AKAP11: variants seen among roughly 807,000 people sequenced by gnomAD.
AKAP11 encodes A-kinase anchoring protein 11.
A neutral mutation model predicts 146.1 loss-of-function variants in AKAP11; 36 were observed. The ratio of observed to expected loss-of-function variants is 0.25; its 90% confidence interval spans 0.19 to 0.33. The LOEUF (loss-of-function observed/expected upper bound fraction) is 0.33. AKAP11 is among the 10% of genes least tolerant of loss of function. The pLI is 1.00. For missense variants in AKAP11, 2,201 were observed against 2,197.0 expected, an observed-to-expected ratio of 1.00 and a Z score of -0.04; for synonymous variants, 780 against 786.5, an observed-to-expected ratio of 0.99 and a Z score of 0.14.
Position 42,319,426 on chromosome 13 carries a change from C to T in AKAP11, c.*198C>T. 1.5e-6 allele frequency: 1 copy of T among 650,094 alleles called. No homozygotes were observed. The highest frequency in any genetic ancestry group is 2.5e-6 in the Non-Finnish European group (1 of 399,916). 40.3% of individuals were successfully genotyped at this position (650,094 alleles called of 1,614,324 possible). ...CTTTTGTAATCTGTCAAAATACTAC[C>T]TTCATTTATTCTTCTATACACATGT... is the stretch of plus-strand genomic sequence containing the variant. On this transcript the variant is annotated 3_prime_UTR_variant, in exon 13 of 13. Transcript: ENST00000025301.
chr13:42,286,346 G>C lies in AKAP11; in HGVS notation c.-3G>C, dbSNP rs958147002. ...CATTGATTATATACAACAAAAAATA[G>C]TTATGGCGACTTTCAGAAACAATCA... On this transcript the variant is annotated 5_prime_UTR_variant, in exon 3 of 13. Transcript: ENST00000025301. The C allele has an allele frequency of 3.1e-6, 5 of 1,599,430 alleles. No individual in the cohort carries two copies. Among genetic ancestry groups the C allele is most frequent in the African/African-American group, 1.3e-5 (1 of 74,360 alleles).
rs114477625 is a variant in AKAP11, at chr13:42,298,515, T to C, written c.352-18T>C. 1.7e-3 allele frequency: 2,684 copies of C among 1,603,958 alleles called. 43 individuals are homozygous for C. The African/African-American group carries it at 0.031, about 18-fold the overall frequency. On this transcript the variant is annotated intron_variant, in intron 6 of 12. Coordinates refer to ENST00000025301, the MANE Select transcript of AKAP11 (RefSeq NM_016248.4). ...TTTGAAATTAAAATTGTTTTTATTA[T>C]CTTTTATCTTTCCCAAGAGTCATCC...
chr13:42,298,517 T>G lies in AKAP11; in HGVS notation c.352-16T>G. ...TGAAATTAAAATTGTTTTTATTATC[T>G]TTTATCTTTCCCAAGAGTCATCCTT... On this transcript the variant is annotated splice_polypyrimidine_tract_variant and intron_variant, in intron 6 of 12. Transcript: ENST00000025301. 6.2e-7 allele frequency: 1 copy of G among 1,605,256 alleles called. No individual in the cohort carries two copies.
chr13:42,319,019 G>A, intron 12 of AKAP11, 69 bp from the exon 13 acceptor site: 7 of 1,497,526 alleles, frequency 4.7e-6, no homozygotes, highest in Non-Finnish European at 6.3e-6. Context: ...AGCTAATATT[G>A]AAAATAAAAA....
At chr13:42,305,094 G>A (rs7323055) in intron 8 of AKAP11, among the ~76,000 whole-genome samples, 2 of 152,034 alleles carry the variant, frequency 1.3e-5, no homozygotes, top group Non-Finnish European at 2.9e-5. Flanking sequence ...CAGTTTTTCA[G>A]TTTAAACCTT....
In AKAP11 at chr13:42,301,150, A is replaced by G. The variant is rs1262906353; in HGVS notation, c.2404A>G (p.Lys802Glu). ...TATTTCATCTACTGCATGTCAGGCC[A>G]AGGCTCATCTGTCATCTGATGATAG... ...YHISSTACQA[K>E]AHLSSDDSNS... is the part of the protein sequence containing the mutation. Residue 802 changes from lysine (K) to glutamate (E), a missense_variant, in exon 8 of 13, where the codon AAG becomes GAG. Physicochemically the swap from Lys to Glu is moderately conservative, Grantham distance 56 (BLOSUM62 1). This residue lies in a region of AKAP11 where 1,867 missense variants were observed against 1,833.5 expected (regional missense o/e 1.02). Transcript: ENST00000025301. 1.2e-6 allele frequency: 2 copies of G among 1,613,990 alleles called. No homozygotes were observed. Among genetic ancestry groups the G allele is most frequent in the Non-Finnish European group, 1.7e-6 (2 of 1,179,992 alleles).
rs117126117 is a variant in AKAP11 at position 42,274,686 on chromosome 13, A to G, written c.-100+2458A>G. Among the ~76,000 whole-genome samples the G allele has an allele frequency of 4.5e-3, 687 of 152,364 alleles. 7 individuals are homozygous for G. Among genetic ancestry groups the G allele is most frequent in the Middle Eastern group, 0.014 (4 of 294 alleles). On this transcript the variant is annotated intron_variant, in intron 1 of 12. Coordinates refer to ENST00000025301, the MANE Select transcript of AKAP11 (RefSeq NM_016248.4). The stretch of plus-strand genomic sequence containing the variant: ...GGCGACTGAGTGAGACTCTGCCTCA[A>G]AAAACAACAACAAAAAACTTCTGGA...
In AKAP11 at chr13:42,301,530, C is replaced by T; in HGVS notation, c.2784C>T (p.Cys928=). 2 of 1,614,082 alleles carry T rather than the reference C, an allele frequency of 1.2e-6. No homozygotes were observed. The highest frequency in any genetic ancestry group is 1.7e-6 in the Non-Finnish European group (2 of 1,179,974). The change falls in exon 8 of 13, where the codon TGC becomes TGT. Residue 928 remains cysteine (C), a synonymous_variant. Transcript: ENST00000025301. ...ACTGTGATCAGGCAGTGCTGCAATG[C>T]AGTGAAGCTAGTAGCAATAAGGACA... ...FSHCDQAVLQ[C]SEASSNKDMF...
At chr13:42,305,989 G>T (rs1960234248) in intron 8 of AKAP11, among the ~76,000 whole-genome samples, 1 of 152,152 alleles carries the variant, frequency 6.6e-6, no homozygotes, top group African/African-American at 2.4e-5. Flanking sequence ...CATGAGAACA[G>T]CATGGAGGAA....
intron 12 of AKAP11, 97 bp from the exon 13 acceptor site, chr13:42,318,988 ACAG>A: frequency 1.5e-6 from 2 of 1,357,458 alleles, no homozygotes; most frequent in Non-Finnish European, 2.0e-6. Flanking sequence ...TTAATTGTAA[ACAG>A]CAGGATTCTT....
rs760671850 is a variant in AKAP11, at chr13:42,300,178, C to T, written c.1432C>T (p.His478Tyr). ...AACAGATATTGGTGGAGATAGGATT[C>T]ATGAAAATCATGATTCTGTTTATTA... The part of the protein sequence containing the change: ...CQTDIGGDRI[H>Y]ENHDSVYYTY... Residue 478 changes from histidine (H) to tyrosine (Y), a missense_variant, in exon 8 of 13, where the codon CAT (histidine) becomes TAT (tyrosine). His to Tyr is a moderately conservative substitution (Grantham distance 83, BLOSUM62 2). Transcript: ENST00000025301. 2.9e-5 allele frequency: 46 copies of T among 1,613,720 alleles called. No homozygotes were observed. Among genetic ancestry groups the T allele is most frequent in the African/African-American group, 4.0e-5 (3 of 74,858 alleles).
chr13:42,283,350 ATG>A (rs1249173710), intron 1 of AKAP11, among the ~76,000 whole-genome samples: 1 of 152,156 alleles, frequency 6.6e-6, no homozygotes. Context: ...TTCTGAGATA[ATG>A]TGAGTCTCAG....
At chr13:42,293,528 A>G (rs1489955126) in intron 4 of AKAP11, among the ~76,000 whole-genome samples, 1 of 151,972 alleles carries the variant, frequency 6.6e-6, no homozygotes. Context: ...AACCTTTTTC[A>G]TTTTACTTTA....
At chr13:42,308,326 G>A in intron 8 of AKAP11, 128 bp from the exon 9 acceptor site, 2 of 711,890 alleles carry the variant, frequency 2.8e-6, no homozygotes, top group Non-Finnish European at 4.4e-6. Flanking sequence ...AGGATTACAT[G>A]AGCCACTGGT....
intron 1 of AKAP11, among the ~76,000 whole-genome samples, chr13:42,280,049 CACTT>C (rs981126395): frequency 2.0e-5 from 3 of 152,320 alleles, no homozygotes; most frequent in Middle Eastern, 3.4e-3. Context: ...CTAGGGCTCT[CACTT>C]ACTTTCAGCT....
intron 1 of AKAP11, among the ~76,000 whole-genome samples, chr13:42,281,683 C>G (rs928071320): frequency 6.6e-6 from 1 of 151,972 alleles, no homozygotes; most frequent in African/African-American, 2.4e-5. Context: ...AAACCAATGT[C>G]TGTACTCATC....
At chr13:42,296,020 C>A (rs2138550252) in intron 5 of AKAP11, among the ~76,000 whole-genome samples, 1 of 152,196 alleles carries the variant, frequency 6.6e-6, no homozygotes, top group African/African-American at 2.4e-5. Flanking sequence ...AAAAATTTAG[C>A]CTGTTTGATT....
intron 11 of AKAP11, among the ~76,000 whole-genome samples, chr13:42,314,801 T>G (rs1193957175): frequency 3.3e-5 from 5 of 152,156 alleles, no homozygotes; most frequent in African/African-American, 7.2e-5. Flanking sequence ...AGATCCTTCC[T>G]TAATGAACAT....
chr13:42,306,778 T>G (rs1225302648), intron 8 of AKAP11, among the ~76,000 whole-genome samples: 1 of 152,256 alleles, frequency 6.6e-6, no homozygotes, highest in Non-Finnish European at 1.5e-5. Context: ...TTTCACAAAC[T>G]GTAATGAACA....
Sources: allele counts gnomAD v4.1 joint callset (sites outside exome capture counted in the v4.1 genomes callset), GRCh38; gene constraint gnomAD v4.1.1; regional missense constraint gnomAD v4.1.1; transcripts MANE v1.5; gene names NCBI Gene and HGNC (gene_info 2026-07-23, HGNC 2026-07-21).